Variants in DMD observed in about 807,000 individuals in gnomAD.
DMD encodes the protein mutant dystrophin.
DMD carries 63 observed loss-of-function variants against 330.1 expected under a neutral mutation model. The observed-to-expected ratio is 0.19, with a 90% CI of 0.16 to 0.24. The LOEUF (loss-of-function observed/expected upper bound fraction) is 0.24. Among genes scored for constraint, DMD ranks in the 10% least tolerant of loss-of-function variants. The pLI is 1.00. For synonymous variants in DMD, 1,223 were observed against 959.8 expected (o/e 1.27, Z -5.07); for missense variants, 3,344 against 2,684.1 (o/e 1.25, Z -5.43).
chrX:32,705,008 T>C (rs1324973668), intron 7 of DMD, among the ~76,000 whole-genome samples: 2 of 112,396 alleles, frequency 1.8e-5, no homozygotes, highest in African/African-American at 3.2e-5. Flanking sequence ...GTAGACCATA[T>C]CATGGCAATG....
chrX:31,170,222 G>A (rs1435429267), intron 73 of DMD, among the ~76,000 whole-genome samples: 1 of 111,813 alleles, frequency 8.9e-6, no homozygotes, highest in Non-Finnish European at 1.9e-5. Flanking sequence ...AGACATTAAG[G>A]TGACTGATTA....
At chrX:31,353,065 A>G (rs1446469225) in intron 60 of DMD, among the ~76,000 whole-genome samples, 1 of 111,169 alleles carries the variant, frequency 9.0e-6, no homozygotes, top group Non-Finnish European at 1.9e-5. Flanking sequence ...TCATTTTATA[A>G]GTATTTGTTA....
At chrX:32,279,213 G>A (rs1015291124) in intron 43 of DMD, among the ~76,000 whole-genome samples, 2 of 111,644 alleles carry the variant, frequency 1.8e-5, no homozygotes, top group Non-Finnish European at 3.8e-5. Context: ...ACTGTTGGCA[G>A]GAATGTAAAT....
chrX:31,564,046 G>A (rs1328415347), intron 55 of DMD, among the ~76,000 whole-genome samples: 2 of 110,973 alleles, frequency 1.8e-5, no homozygotes, highest in Admixed American at 9.6e-5. Context: ...CATGCCATGT[G>A]AAAATGAAGG....
chrX:31,572,236 G>A lies in DMD; in HGVS notation c.8217+55437C>T, dbSNP rs542852541. Among the ~76,000 whole-genome samples, 37 of 112,465 alleles carry A rather than the reference G, an allele frequency of 3.3e-4. 1 individual carries two copies. In the South Asian group the frequency reaches 0.013, roughly 40 times the overall value. The stretch of plus-strand genomic sequence containing the variant: ...TCCTATCATTGCATAAGGCAATGCT[G>A]CTTAATAAAAGAAAAATTTAGTATA... On this transcript the variant is annotated intron_variant, in intron 55 of 78. Coordinates refer to ENST00000357033, the MANE Select transcript of DMD (RefSeq NM_004006.3).
chrX:32,494,217 A>G (rs1020877750), intron 19 of DMD, among the ~76,000 whole-genome samples: 3 of 111,568 alleles, frequency 2.7e-5, no homozygotes, highest in African/African-American at 9.8e-5. Flanking sequence ...CCCCCAAAAA[A>G]TGTTGCAATA....
At chrX:32,382,603 A>T (rs2097931986) in intron 33 of DMD, among the ~76,000 whole-genome samples, 2 of 89,073 alleles carry the variant, frequency 2.2e-5, no homozygotes. Flanking sequence ...TTTTTTAAAC[A>T]GATTTTCCCT....
intron 47 of DMD, among the ~76,000 whole-genome samples, chrX:31,905,317 G>C (rs759208491): frequency 3.6e-5 from 4 of 111,337 alleles, no homozygotes; most frequent in Middle Eastern, 4.6e-3. Context: ...CTAAGAATCT[G>C]TTAAGCTTGC....
At chrX:32,847,794 T>A (rs1489517412) in intron 3 of DMD, among the ~76,000 whole-genome samples, 1 of 112,529 alleles carries the variant, frequency 8.9e-6, no homozygotes. Flanking sequence ...TATTTTTTTC[T>A]TTAATGCTAT....
At chrX:32,306,349 C>T (rs331318) in intron 42 of DMD, among the ~76,000 whole-genome samples, 52,544 of 109,630 alleles carry the variant, frequency 0.48, 9,053 homozygotes, top group Non-Finnish European at 0.5. Context: ...CTTGAACGAC[C>T]TGGCTTCACA....
At chrX:33,164,625 T>G in intron 1 of DMD, among the ~76,000 whole-genome samples, 1 of 111,980 alleles carries the variant, frequency 8.9e-6, no homozygotes, top group Non-Finnish European at 1.9e-5. Context: ...CAGCATACCT[T>G]TAATCAAGTA....
intron 12 of DMD, among the ~76,000 whole-genome samples, chrX:32,605,060 A>G (rs147541489): frequency 0.015 from 1,682 of 111,026 alleles, 33 homozygotes; most frequent in African/African-American, 0.052. Flanking sequence ...AGTAAAATAC[A>G]TAGAGAATCA....
chrX:31,662,061 G>A (rs73455980), intron 53 of DMD, among the ~76,000 whole-genome samples: 1,501 of 111,959 alleles, frequency 0.013, 32 homozygotes, highest in African/African-American at 0.046. Context: ...GTAGCTAAAA[G>A]CCTGAGCAAT....
At chrX:32,759,786 T>G (rs2071988396) in intron 7 of DMD, among the ~76,000 whole-genome samples, 1 of 102,682 alleles carries the variant, frequency 9.7e-6, no homozygotes, top group Non-Finnish European at 2.0e-5. Flanking sequence ...AGCTTTAGCT[T>G]GATGAATTTC....
intron 77 of DMD, among the ~76,000 whole-genome samples, chrX:31,128,003 GAAA>G (rs1298495088): frequency 1.8e-5 from 2 of 110,963 alleles, no homozygotes; most frequent in African/African-American, 6.6e-5. Context: ...AAAAGAGGGA[GAAA>G]AATGGGTACT....
intron 44 of DMD, among the ~76,000 whole-genome samples, chrX:32,120,409 C>T (rs956844264): frequency 8.9e-6 from 1 of 111,854 alleles, no homozygotes; most frequent in African/African-American, 3.3e-5. Flanking sequence ...CTGATTCTGA[C>T]GTGAGTACTA....
At chrX:32,300,594 A>G (rs2097519031) in intron 42 of DMD, among the ~76,000 whole-genome samples, 1 of 111,938 alleles carries the variant, frequency 8.9e-6, no homozygotes, top group Admixed American at 9.5e-5. Context: ...TGATACGTAC[A>G]TTTTGTGTTA....
intron 7 of DMD, among the ~76,000 whole-genome samples, chrX:32,798,779 A>C (rs1414572906): frequency 8.9e-6 from 1 of 111,762 alleles, no homozygotes; most frequent in African/African-American, 3.2e-5. Flanking sequence ...GGTACTCTAT[A>C]ATGAGTTCTA....
At chrX:32,135,893 CAAATATT>C (rs1468080528) in intron 44 of DMD, among the ~76,000 whole-genome samples, 1 of 111,696 alleles carries the variant, frequency 9.0e-6, no homozygotes, top group Non-Finnish European at 1.9e-5. Flanking sequence ...AAATAGAAAA[CAAATATT>C]AATAAAATTT....
Sources: gnomAD v4.1 joint callset for allele counts (sites outside exome capture counted in the v4.1 genomes callset) on GRCh38, gnomAD v4.1.1 for gene constraint, MANE v1.5 for transcripts, NCBI Gene and HGNC (gene_info 2026-07-23, HGNC 2026-07-21) for gene names.